Variants in PARD3B observed in about 807,000 individuals in gnomAD.
PARD3B encodes the protein par-3 family cell polarity regulator beta.
A neutral mutation model predicts 130.2 loss-of-function variants in PARD3B; 103 were observed. The observed-to-expected ratio is 0.79, with a 90% CI of 0.67 to 0.93. The LOEUF is 0.93. Among genes scored for constraint, PARD3B ranks in the 40% least tolerant of loss-of-function variants. PARD3B has a pLI of 0.00. For synonymous variants in PARD3B, 583 were observed against 553.2 expected (o/e 1.05, Z -0.76); for missense variants, 1,609 against 1,499.2 (o/e 1.07, Z -1.21).
intron 2 of PARD3B, among the ~76,000 whole-genome samples, chr2:204,836,643 A>T (rs2044043574): frequency 6.6e-6 from 1 of 152,226 alleles, no homozygotes; most frequent in South Asian, 2.1e-4. Flanking sequence ...CCTAGGTGAC[A>T]GAGTGAGACT....
chr2:204,925,443 T>G (rs1439848879), intron 2 of PARD3B, among the ~76,000 whole-genome samples: 1 of 152,026 alleles, frequency 6.6e-6, no homozygotes, highest in African/African-American at 2.4e-5. Context: ...ACCTTGTAAT[T>G]GAGCTCCTTG....
intron 2 of PARD3B, among the ~76,000 whole-genome samples, chr2:204,699,843 A>T (rs1253432737): frequency 6.6e-6 from 1 of 152,176 alleles, no homozygotes; most frequent in Non-Finnish European, 1.5e-5. Context: ...AATATTTTGC[A>T]TTTAACAGAG....
chr2:204,655,742 A>G (rs916390761), intron 1 of PARD3B, among the ~76,000 whole-genome samples: 7 of 152,102 alleles, frequency 4.6e-5, no homozygotes, highest in Non-Finnish European at 2.9e-5. Flanking sequence ...GGAGGTCAGC[A>G]TATATATCTG....
At chr2:204,603,845 T>C (rs2033608871) in intron 1 of PARD3B, among the ~76,000 whole-genome samples, 1 of 152,190 alleles carries the variant, frequency 6.6e-6, no homozygotes, top group Non-Finnish European at 1.5e-5. Flanking sequence ...CTGGCTAAAT[T>C]CCCACTTTAG....
chr2:204,910,197 A>G (rs1305890908), intron 2 of PARD3B, among the ~76,000 whole-genome samples: 1 of 152,094 alleles, frequency 6.6e-6, no homozygotes, highest in African/African-American at 2.4e-5. Context: ...GTAAGAGGTT[A>G]GAAAGAGAAG....
intron 18 of PARD3B, among the ~76,000 whole-genome samples, chr2:205,344,595 T>G (rs2043679579): frequency 6.6e-6 from 1 of 152,168 alleles, no homozygotes; most frequent in Admixed American, 6.5e-5. Flanking sequence ...CTATGGGCAT[T>G]CCCTAGAAAT....
chr2:204,986,990 G>A (rs1693212657), intron 3 of PARD3B, among the ~76,000 whole-genome samples: 1 of 152,148 alleles, frequency 6.6e-6, no homozygotes, highest in Non-Finnish European at 1.5e-5. Context: ...TAAAACAATA[G>A]CACAGGTACT....
At chr2:204,831,900 C>G (rs1433236062) in intron 2 of PARD3B, among the ~76,000 whole-genome samples, 1 of 152,008 alleles carries the variant, frequency 6.6e-6, no homozygotes, top group African/African-American at 2.4e-5. Flanking sequence ...CAGATACTAA[C>G]TGGGAGGGCC....
chr2:205,292,748 A>G lies in PARD3B; in HGVS notation c.2186-7782A>G, dbSNP rs1040416226. 1.3e-5 allele frequency among the ~76,000 whole-genome samples: 2 copies of G among 152,188 alleles called. No homozygotes were observed. The highest frequency in any genetic ancestry group is 4.8e-5 in the African/African-American group (2 of 41,446). On this transcript the variant is annotated intron_variant, in intron 16 of 22. Transcript: ENST00000406610. The surrounding 1 kb of genome is among the most constrained non-coding windows in gnomAD (Gnocchi z 5.3). ...ATGAACATACAGTTGAATTTGGGTA[A>G]GATCAATTGTGTGTGATTAGACTTC...
rs1188012479 is a variant in PARD3B, at chr2:205,265,041, G to A, written c.2185+19219G>A. On this transcript the variant is annotated intron_variant, in intron 16 of 22. Coordinates refer to ENST00000406610, the MANE Select transcript of PARD3B (RefSeq NM_001302769.2). The surrounding 1 kb of genome is among the most constrained non-coding windows in gnomAD (Gnocchi z 4.3). ...AATTACTTTAACTTTTGCTTCCCTC[G>A]GAACAACCAGGGAAAAATATCAACA... is the stretch of plus-strand genomic sequence containing the variant. Among the ~76,000 whole-genome samples the A allele has an allele frequency of 4.2e-5, 6 of 142,906 alleles. 1 individual carries two copies. Among genetic ancestry groups the A allele is most frequent in the African/African-American group, 7.7e-5 (3 of 39,048 alleles). The allele number at this position is 142,906 out of a possible 152,430, so 93.8% of individuals were successfully genotyped here. A position where few individuals can be genotyped will look rare whatever the true frequency, so the allele number is the denominator to read the frequency against.
intron 2 of PARD3B, among the ~76,000 whole-genome samples, chr2:204,879,753 G>C (rs1051251145): frequency 2.6e-5 from 4 of 152,188 alleles, no homozygotes; most frequent in African/African-American, 9.7e-5. Flanking sequence ...TGAATGTTTG[G>C]TTGGAGGCGG....
chr2:204,640,446 G>A (rs1415112996), intron 1 of PARD3B, among the ~76,000 whole-genome samples: 1 of 152,182 alleles, frequency 6.6e-6, no homozygotes, highest in Admixed American at 6.5e-5. Context: ...TTGTCCTGGT[G>A]CCCTCCCTGT....
chr2:204,710,707 G>T (rs995462374), intron 2 of PARD3B, among the ~76,000 whole-genome samples: 1 of 152,198 alleles, frequency 6.6e-6, no homozygotes. Context: ...TCCATTAGAA[G>T]AGTCTAGGAA....
At chr2:204,814,816 T>G (rs903812667) in intron 2 of PARD3B, among the ~76,000 whole-genome samples, 8 of 151,952 alleles carry the variant, frequency 5.3e-5, no homozygotes, top group African/African-American at 1.9e-4. Flanking sequence ...AGCTATTTTC[T>G]GCTCTTAGTG....
At chr2:205,076,535 A>G (rs1701074628) in intron 4 of PARD3B, among the ~76,000 whole-genome samples, 1 of 152,152 alleles carries the variant, frequency 6.6e-6, no homozygotes, top group Non-Finnish European at 1.5e-5. Flanking sequence ...ATCAGCCCCC[A>G]GCCATGGACT....
intron 2 of PARD3B, among the ~76,000 whole-genome samples, chr2:204,748,322 A>T (rs2040327430): frequency 1.3e-5 from 2 of 152,116 alleles, no homozygotes; most frequent in Admixed American, 1.3e-4. Flanking sequence ...CAATTACTGT[A>T]ATTTCTTCAA....
intron 2 of PARD3B, among the ~76,000 whole-genome samples, chr2:204,901,192 A>G (rs2161853): frequency 0.41 from 62,339 of 151,850 alleles, 13,440 homozygotes; most frequent in African/African-American, 0.55. Context: ...CAGGGCAGTG[A>G]TTTCCCCTTG....
chr2:205,394,916 T>C (rs1224712118), intron 18 of PARD3B, among the ~76,000 whole-genome samples: 1 of 152,140 alleles, frequency 6.6e-6, no homozygotes, highest in Non-Finnish European at 1.5e-5. Flanking sequence ...ATTCTGGACA[T>C]GAATAGTGTG....
rs1360888594 is a variant in PARD3B at position 205,158,193 on chromosome 2, C to T, written c.1435-529C>T. The stretch of plus-strand genomic sequence containing the variant: ...ACTTTAAAGTAACATCTCATTTTTA[C>T]TGTGTCTTATTAACAAACTTTACCA... On this transcript the variant is annotated intron_variant, in intron 10 of 22. Coordinates refer to ENST00000406610, the MANE Select transcript of PARD3B (RefSeq NM_001302769.2). This position sits in a 1 kb window ranked among gnomAD's most constrained non-coding sequence, Gnocchi z 5.4. 1.3e-5 allele frequency among the ~76,000 whole-genome samples: 2 copies of T among 152,146 alleles called. No homozygotes were observed. Among genetic ancestry groups the T allele is most frequent in the African/African-American group, 4.8e-5 (2 of 41,428 alleles).
Sources: gnomAD v4.1 joint callset for allele counts (sites outside exome capture counted in the v4.1 genomes callset) on GRCh38, gnomAD v4.1.1 for gene constraint, Gnocchi (gnomAD v3.1) non-coding constraint, MANE v1.5 for transcripts, NCBI Gene and HGNC (gene_info 2026-07-23, HGNC 2026-07-21) for gene names.